Variants in CCDC102B observed in about 807,000 individuals in gnomAD.
CCDC102B encodes coiled-coil domain containing 102B, also known as coiled-coil domain-containing protein 102B.
Under a neutral mutation model 57.4 loss-of-function variants are expected in CCDC102B, and 75 were observed. The observed-to-expected ratio is 1.31, with a 90% CI of 1.08 to 1.58. CCDC102B has a LOEUF of 1.58. Ranked by LOEUF, CCDC102B falls within the 40% of genes most tolerant of loss-of-function variation. CCDC102B has a pLI of 0.00. For missense variants in CCDC102B, 636 were observed against 582.6 expected (o/e 1.09, Z -0.94); for synonymous variants, 206 against 201.9 (o/e 1.02, Z -0.17).
chr18:69,037,516 T>C (rs965747562), intron 7 of CCDC102B, among the ~76,000 whole-genome samples: 2 of 151,996 alleles, frequency 1.3e-5, no homozygotes, highest in African/African-American at 4.8e-5. Flanking sequence ...AGCATCAGTA[T>C]CACCTGGAGA....
intron 2 of CCDC102B, among the ~76,000 whole-genome samples, chr18:68,720,305 A>G (rs1298384392): frequency 6.6e-6 from 1 of 152,222 alleles, no homozygotes; most frequent in African/African-American, 2.4e-5. Context: ...TCCATGGATC[A>G]AGGAATTTTC....
At chr18:68,830,561 G>A (rs1051044250) in intron 1 of CCDC102B, among the ~76,000 whole-genome samples, 1 of 144,938 alleles carries the variant, frequency 6.9e-6, no homozygotes, top group Admixed American at 6.7e-5. Flanking sequence ...TTGACTGTCA[G>A]GTTTCCATAC....
intron 6 of CCDC102B, among the ~76,000 whole-genome samples, chr18:68,936,876 A>C (rs1028733262): frequency 4.6e-5 from 7 of 151,440 alleles, no homozygotes; most frequent in South Asian, 2.1e-4. Context: ...ACACACACAC[A>C]CCCAACACAC....
At chr18:68,858,881 G>C (rs994345717) in intron 4 of CCDC102B, 1 of 152,186 alleles carries the variant, frequency 6.6e-6, no homozygotes, top group South Asian at 2.1e-4. Flanking sequence ...CCTTAAAGGG[G>C]CAGAGAAATA....
At chr18:68,731,403 T>C (rs1170815242) in intron 2 of CCDC102B, among the ~76,000 whole-genome samples, 1 of 152,170 alleles carries the variant, frequency 6.6e-6, no homozygotes, top group African/African-American at 2.4e-5. Flanking sequence ...AATGAAACTT[T>C]GGCTTATATG....
At chr18:68,998,995 TATATAGAGAGAGAGAGAGAGAGAG>T (rs1235748586) in intron 6 of CCDC102B, among the ~76,000 whole-genome samples, 4 of 42,532 alleles carry the variant, frequency 9.4e-5, no homozygotes, top group Non-Finnish European at 2.0e-4. Flanking sequence ...TATATATATA[TATATAGAGAGAGAGAGAGAGAGAG>T]AGAGAGAGAG....
At chr18:68,768,728 A>G (rs1406847623) in intron 2 of CCDC102B, among the ~76,000 whole-genome samples, 1 of 151,876 alleles carries the variant, frequency 6.6e-6, no homozygotes, top group Non-Finnish European at 1.5e-5. Context: ...AAAACTATAT[A>G]AATAGATATA....
chr18:68,950,625 C>G (rs1402693532), intron 6 of CCDC102B, among the ~76,000 whole-genome samples: 2 of 151,838 alleles, frequency 1.3e-5, no homozygotes, highest in Non-Finnish European at 2.9e-5. Flanking sequence ...AATCTGTTTC[C>G]CCCTTGGTTC....
chr18:68,802,417 G>T (rs554806166), intron 1 of CCDC102B, among the ~76,000 whole-genome samples: 41 of 152,196 alleles, frequency 2.7e-4, no homozygotes, highest in African/African-American at 9.6e-4. Flanking sequence ...GCCCTCTAAA[G>T]GTGTTAATGC....
chr18:68,797,774 T>A (rs1219082250), upstream of CCDC102B, among the ~76,000 whole-genome samples: 1 of 144,126 alleles, frequency 6.9e-6, no homozygotes, highest in African/African-American at 2.5e-5. Flanking sequence ...TTTTTTTTGC[T>A]TTGCTATTTT....
At chr18:69,044,571 T>A (rs1413140574) in intron 7 of CCDC102B, among the ~76,000 whole-genome samples, 1 of 152,192 alleles carries the variant, frequency 6.6e-6, no homozygotes, top group Non-Finnish European at 1.5e-5. Flanking sequence ...CTGAGGACCA[T>A]TATTTCTATG....
At chr18:68,777,293 G>A (rs2034855299) in intron 2 of CCDC102B, among the ~76,000 whole-genome samples, 1 of 152,144 alleles carries the variant, frequency 6.6e-6, no homozygotes, top group Non-Finnish European at 1.5e-5. Flanking sequence ...TTAGTCTCAA[G>A]TTATAGTTAT....
intron 6 of CCDC102B, among the ~76,000 whole-genome samples, chr18:68,975,758 G>A (rs183848455): frequency 4.6e-5 from 7 of 151,266 alleles, no homozygotes; most frequent in East Asian, 3.9e-4. Flanking sequence ...TTGCACAAAC[G>A]ATTTCATTCA....
chr18:68,716,153 G>T (rs754995032), intron 1 of CCDC102B, among the ~76,000 whole-genome samples: 4 of 150,432 alleles, frequency 2.7e-5, no homozygotes, highest in Non-Finnish European at 5.9e-5. Context: ...AGACTAAAAC[G>T]TAAGGGGACT....
At chr18:68,967,366 A>G (rs2050190648) in intron 6 of CCDC102B, among the ~76,000 whole-genome samples, 1 of 152,200 alleles carries the variant, frequency 6.6e-6, no homozygotes, top group South Asian at 2.1e-4. Flanking sequence ...CCTGATACAA[A>G]GGAGGATTTT....
chr18:69,053,926 C>T, intron 7 of CCDC102B, 104 bp from the exon 8 acceptor site: 2 of 887,298 alleles, frequency 2.3e-6, no homozygotes, highest in Non-Finnish European at 3.4e-6. Flanking sequence ...AATCTATTCT[C>T]TTAGCAATTT....
At chr18:68,888,421 C>G (rs191746578) in intron 5 of CCDC102B, among the ~76,000 whole-genome samples, 64 of 152,218 alleles carry the variant, frequency 4.2e-4, no homozygotes, top group African/African-American at 1.3e-3. Context: ...ATCCTTTGTT[C>G]TTCTACGTTC....
intron 4 of CCDC102B, among the ~76,000 whole-genome samples, chr18:68,860,114 A>G (rs1399249396): frequency 1.5e-5 from 1 of 68,010 alleles, no homozygotes; most frequent in African/African-American, 4.0e-5. Context: ...ATGGAATACT[A>G]TGCAGCCATA....
intron 1 of CCDC102B, among the ~76,000 whole-genome samples, chr18:68,821,307 T>G (rs950562511): frequency 6.6e-6 from 1 of 151,994 alleles, no homozygotes; most frequent in Non-Finnish European, 1.5e-5. Context: ...TCTCATCATT[T>G]TCTACTTTCT....
Sources: gnomAD v4.1 joint callset for allele counts (sites outside exome capture counted in the v4.1 genomes callset) on GRCh38, gnomAD v4.1.1 for gene constraint, MANE v1.5 for transcripts, NCBI Gene and HGNC (gene_info 2026-07-23, HGNC 2026-07-21) for gene names.